CMTM7: variants seen among roughly 807,000 people sequenced by gnomAD.
The protein encoded by CMTM7 is CKLF like MARVEL transmembrane domain containing 7.
Under a neutral mutation model 19.3 loss-of-function variants are expected in CMTM7, and 7 were observed. The observed-to-expected ratio is 0.36, with a 90% CI of 0.21 to 0.68. The LOEUF (loss-of-function observed/expected upper bound fraction) is 0.68, where lower values mean the gene tolerates loss of function less well. CMTM7 is among the 30% of genes least tolerant of loss of function. The pLI is 0.60. For missense variants in CMTM7, 193 were observed against 232.6 expected, an observed-to-expected ratio of 0.83 and a Z score of 1.11; for synonymous variants, 87 against 99.3, an observed-to-expected ratio of 0.88 and a Z score of 0.74.
rs543052538 is a variant in CMTM7, at chr3:32,433,958, C to T, written c.160-7882C>T. 3.2e-3 allele frequency among the ~76,000 whole-genome samples: 481 copies of T among 152,142 alleles called. 3 individuals are homozygous for T. The highest frequency in any genetic ancestry group is 0.011 in the African/African-American group (457 of 41,508). On this transcript the variant is annotated intron_variant, in intron 1 of 4. Coordinates refer to ENST00000334983, the MANE Select transcript of CMTM7 (RefSeq NM_138410.4). ...ATTCCAGCATTTTGGGAGGCCGAGGCGGGTGAATCACCTGAGGTCAGGAGT... is the reference window on the plus strand; with the variant it reads ...ATTCCAGCATTTTGGGAGGCCGAGGTGGGTGAATCACCTGAGGTCAGGAGT...
intron 1 of CMTM7, among the ~76,000 whole-genome samples, chr3:32,439,432 A>T (rs342735): frequency 0.81 from 123,295 of 152,186 alleles, 50,040 homozygotes; most frequent in South Asian, 0.86. Flanking sequence ...TAACTGGAGT[A>T]AGATCCATTT....
intron 1 of CMTM7, among the ~76,000 whole-genome samples, chr3:32,413,119 A>G (rs560400704): frequency 1.3e-5 from 2 of 152,346 alleles, no homozygotes; most frequent in African/African-American, 4.8e-5. Flanking sequence ...CATGTATTAC[A>G]TATGGTCACT....
intron 1 of CMTM7, among the ~76,000 whole-genome samples, chr3:32,433,651 C>G (rs986913820): frequency 4.6e-5 from 7 of 152,164 alleles, no homozygotes; most frequent in African/African-American, 1.7e-4. Flanking sequence ...CAGCATGGTT[C>G]TCTCCTAAAG....
At position 32,449,376 on chromosome 3, in the gene CMTM7, T is replaced by C; in HGVS notation, c.334-78T>C. ...GTCACTCTCTCCCTTTCTTTTCATG[T>C]CTTCTGATGCCCAGTTGCTCTTCCC... On this transcript the variant is annotated intron_variant, in intron 2 of 4. Transcript: ENST00000334983. This position sits in a 1 kb window ranked among gnomAD's most constrained non-coding sequence, Gnocchi z 4.5. 2.1e-6 allele frequency: 2 copies of C among 951,586 alleles called. No individual in the cohort carries two copies. Among genetic ancestry groups the C allele is most frequent in the Non-Finnish European group, 3.5e-6 (2 of 575,226 alleles). The allele number at this position is 951,586 out of a possible 1,614,324, so 58.9% of individuals were successfully genotyped here.
chr3:32,413,974 GTA>G (rs1446093149), intron 1 of CMTM7, among the ~76,000 whole-genome samples: 1 of 152,150 alleles, frequency 6.6e-6, no homozygotes, highest in African/African-American at 2.4e-5. Flanking sequence ...GGGGCAGCCT[GTA>G]TCCAGTGGTC....
chr3:32,439,861 A>G (rs1336850694), intron 1 of CMTM7, among the ~76,000 whole-genome samples: 1 of 152,254 alleles, frequency 6.6e-6, no homozygotes, highest in African/African-American at 2.4e-5. Flanking sequence ...TTGGGGCTGG[A>G]GATGGGTAAC....
chr3:32,433,742 A>T (rs753244413), intron 1 of CMTM7, among the ~76,000 whole-genome samples: 24 of 152,294 alleles, frequency 1.6e-4, no homozygotes, highest in Admixed American at 3.3e-4. Flanking sequence ...TGGCAGGATG[A>T]GCCCAGGAAC....
intron 1 of CMTM7, among the ~76,000 whole-genome samples, chr3:32,402,030 A>G (rs1320163981): frequency 6.6e-6 from 1 of 151,342 alleles, no homozygotes; most frequent in Non-Finnish European, 1.5e-5. Flanking sequence ...TGGGGCAGTC[A>G]CTCTCCTCCC....
intron 1 of CMTM7, among the ~76,000 whole-genome samples, chr3:32,406,689 G>C (rs2125623000): frequency 6.6e-6 from 1 of 152,310 alleles, no homozygotes; most frequent in Non-Finnish European, 1.5e-5. Flanking sequence ...TTCCCTAAAA[G>C]CAGAACTAGT....
At chr3:32,424,565 G>A (rs1372588396) in intron 1 of CMTM7, among the ~76,000 whole-genome samples, 3 of 152,012 alleles carry the variant, frequency 2.0e-5, no homozygotes, top group Non-Finnish European at 2.9e-5. Context: ...AAAGGATTCA[G>A]AATATCTGGT....
chr3:32,451,372 A>G (rs536035658), intron 3 of CMTM7: 80 of 152,520 alleles, frequency 5.2e-4, no homozygotes, highest in African/African-American at 1.9e-3. Flanking sequence ...GGCACCCGGT[A>G]CTGCAGAGTG....
chr3:32,428,838 C>T (rs2125633926), intron 1 of CMTM7, among the ~76,000 whole-genome samples: 1 of 152,312 alleles, frequency 6.6e-6, no homozygotes, highest in Middle Eastern at 3.4e-3. Flanking sequence ...GCCCACCTTG[C>T]ACCTGAGAGT....
intron 1 of CMTM7, among the ~76,000 whole-genome samples, chr3:32,435,444 G>T (rs1466869364): frequency 6.6e-6 from 1 of 152,216 alleles, no homozygotes; most frequent in Non-Finnish European, 1.5e-5. Flanking sequence ...ATACAAAGAA[G>T]TACATCTAAT....
At chr3:32,443,424 C>T (rs1199958964) in intron 2 of CMTM7, among the ~76,000 whole-genome samples, 1 of 152,134 alleles carries the variant, frequency 6.6e-6, no homozygotes, top group Non-Finnish European at 1.5e-5. Flanking sequence ...AAATTTTATT[C>T]CATTGTGTGG....
At chr3:32,408,326 C>T (rs977705812) in intron 1 of CMTM7, among the ~76,000 whole-genome samples, 1 of 152,226 alleles carries the variant, frequency 6.6e-6, no homozygotes, top group African/African-American at 2.4e-5. Flanking sequence ...TTTTCCATTA[C>T]AATCAGATGC....
intron 1 of CMTM7, among the ~76,000 whole-genome samples, chr3:32,430,130 A>G (rs571361658): frequency 6.6e-6 from 1 of 152,196 alleles, no homozygotes; most frequent in South Asian, 2.1e-4. Context: ...CAATTCAGTG[A>G]TTTTTAGTAA....
At chr3:32,416,134 G>A (rs2125627715) in intron 1 of CMTM7, among the ~76,000 whole-genome samples, 1 of 152,148 alleles carries the variant, frequency 6.6e-6, no homozygotes, top group East Asian at 1.9e-4. Flanking sequence ...GTGAAGTAGG[G>A]GAAAAGTTTT....
intron 1 of CMTM7, among the ~76,000 whole-genome samples, chr3:32,422,260 G>A (rs1195265398): frequency 2.0e-5 from 3 of 152,140 alleles, no homozygotes; most frequent in Non-Finnish European, 4.4e-5. Context: ...CCCCAGGCTG[G>A]CACTTATTTG....
chr3:32,418,042 G>C (rs1055551839), intron 1 of CMTM7, among the ~76,000 whole-genome samples: 1 of 152,074 alleles, frequency 6.6e-6, no homozygotes, highest in Non-Finnish European at 1.5e-5. Context: ...GGCTGGTCTC[G>C]AACTCCTGGG....
Sources: gnomAD v4.1 joint callset for allele counts (sites outside exome capture counted in the v4.1 genomes callset) on GRCh38, gnomAD v4.1.1 for gene constraint, Gnocchi (gnomAD v3.1) non-coding constraint, MANE v1.5 for transcripts, NCBI Gene and HGNC (gene_info 2026-07-23, HGNC 2026-07-21) for gene names.